Variants in GAD2 observed in about 807,000 individuals in gnomAD.
The protein encoded by GAD2 is glutamate decarboxylase 2.
In GAD2, 22 loss-of-function variants were observed where a neutral mutation model predicts 80.1. The observed-to-expected ratio is 0.27, with a 90% confidence interval of 0.20 to 0.39. The LOEUF (loss-of-function observed/expected upper bound fraction) is 0.39. Among genes scored for constraint, GAD2 ranks in the 10% least tolerant of loss-of-function variants. The probability of loss-of-function intolerance (pLI) is 1.00; values close to 1 mark genes in which losing one functional copy is unlikely to be tolerated. For synonymous variants in GAD2, 274 were observed against 256.9 expected, an observed-to-expected ratio of 1.07 and a Z score of -0.64; for missense variants, 624 against 738.4, an observed-to-expected ratio of 0.85 and a Z score of 1.80.
At chr10:26,271,974 G>T (rs1345742904) in intron 10 of GAD2, among the ~76,000 whole-genome samples, 1 of 152,150 alleles carries the variant, frequency 6.6e-6, no homozygotes, top group Non-Finnish European at 1.5e-5. Context: ...TGGCCAGGCT[G>T]CTCTCGAACT....
Position 26,219,294 on chromosome 10 carries a change from AT to A in GAD2, c.520+19del. 1 of 1,396,568 alleles carries A rather than the reference AT, an allele frequency of 7.2e-7. No individual in the cohort carries two copies. The highest frequency in any genetic ancestry group is 9.9e-7 in the Non-Finnish European group (1 of 1,012,616). The allele number at this position is 1,396,568 out of a possible 1,614,324, so 86.5% of individuals were successfully genotyped here. A position where few individuals can be genotyped will look rare whatever the true frequency, so the allele number is the denominator to read the frequency against. Reference sequence around the variant, plus strand: ...TAAAACAGGTATTGTCTCATCGAAAATAATAAAGCTCTTTTTTCGTTTACAA... The same window carrying A: ...TAAAACAGGTATTGTCTCATCGAAAAAATAAAGCTCTTTTTTCGTTTACAA... On this transcript the variant is annotated intron_variant, in intron 4 of 15. Coordinates refer to ENST00000376261, the MANE Select transcript of GAD2 (RefSeq NM_001134366.2).
chr10:26,259,538 T>A lies in GAD2; in HGVS notation c.921-9581T>A, dbSNP rs1844984844. On this transcript the variant is annotated intron_variant, in intron 8 of 15. Transcript: ENST00000376261. ...ATACTGTTTTTGGAGAAATGCTTAC[T>A]CAGGTCTTTTGGATTGGTTTTGTTA... Among the ~76,000 whole-genome samples, 3 of 152,150 alleles carry A rather than the reference T, an allele frequency of 2.0e-5. No homozygotes were observed. The South Asian group carries it at 6.2e-4, about 32-fold the overall frequency.
chr10:26,217,631 C>T lies in GAD2; in HGVS notation c.98C>T (p.Ala33Val). The stretch of plus-strand genomic sequence containing the variant: ...GCAGCGCGAGCCTGGTGCCAAGTGG[C>T]TCAGAAGTTCACGGGCGGCATCGGA... ...PGTARAWCQV[A>V]QKFTGGIGNK... Residue 33 changes from alanine to valine, a missense_variant, in exon 2 of 16, where the codon GCT (alanine) becomes GTT (valine). Coordinates refer to ENST00000376261, the MANE Select transcript of GAD2 (RefSeq NM_001134366.2). This position sits in a 1 kb window ranked among gnomAD's most constrained non-coding sequence, Gnocchi z 4.9. The T allele has an allele frequency of 6.2e-7, 1 of 1,613,586 alleles. No individual in the cohort carries two copies. Among genetic ancestry groups the T allele is most frequent in the Non-Finnish European group, 8.5e-7 (1 of 1,179,798 alleles).
Position 26,249,730 on chromosome 10 carries a change from G to A in GAD2, c.920+3730G>A, listed in dbSNP as rs568938367. On this transcript the variant is annotated intron_variant, in intron 8 of 15. Transcript: ENST00000376261. ...GATGAGTCCACCAGGCCAGCTAGGC[G>A]GCTCATCATGGGAACAAGGGGCCTG... 4.6e-5 allele frequency among the ~76,000 whole-genome samples: 7 copies of A among 152,308 alleles called. No homozygotes were observed. In the South Asian group the frequency reaches 1.0e-3, roughly 23 times the overall value.
intron 7 of GAD2, among the ~76,000 whole-genome samples, chr10:26,240,673 A>G (rs1040729799): frequency 2.6e-5 from 4 of 151,554 alleles, no homozygotes; most frequent in Non-Finnish European, 4.4e-5. Context: ...CGGAGGTTGC[A>G]GTGAGCTAAG....
chr10:26,298,158 C>T (rs1263610059), intron 15 of GAD2, among the ~76,000 whole-genome samples: 3 of 152,118 alleles, frequency 2.0e-5, no homozygotes, highest in Admixed American at 1.3e-4. Context: ...GAGGGGGTCT[C>T]ATAGCGCCTA....
chr10:26,243,042 AC>A (rs8190665), intron 7 of GAD2, among the ~76,000 whole-genome samples: 38 of 133,862 alleles, frequency 2.8e-4, no homozygotes, highest in East Asian at 8.5e-4. Context: ...TGCACAAAAA[AC>A]CCCCCCCCTT....
At chr10:26,244,145 C>T (rs949669003) in intron 7 of GAD2, among the ~76,000 whole-genome samples, 1 of 152,206 alleles carries the variant, frequency 6.6e-6, no homozygotes, top group African/African-American at 2.4e-5. Context: ...TTCAACCTCA[C>T]GGATCGTTAG....
chr10:26,289,378 G>A (rs1050910105), intron 13 of GAD2, among the ~76,000 whole-genome samples: 4 of 152,068 alleles, frequency 2.6e-5, no homozygotes, highest in African/African-American at 9.7e-5. Context: ...GGAGAATTCG[G>A]TGTTTTCCAC....
chr10:26,284,355 A>G (rs1431194963), intron 12 of GAD2, among the ~76,000 whole-genome samples: 2 of 152,192 alleles, frequency 1.3e-5, no homozygotes, highest in Non-Finnish European at 2.9e-5. Context: ...GATGATATCG[A>G]GTTTCCTAAA....
rs752199829 is a variant in GAD2, at chr10:26,292,996, G to A, written c.1584+5G>A. ...AGAATGAGTCGCCTCTCGAAGGTCA[G>A]TGCTCCAAGCTCCTCTGATACATGT... On this transcript the variant is annotated splice_donor_5th_base_variant and intron_variant, in intron 15 of 15. Coordinates refer to ENST00000376261, the MANE Select transcript of GAD2 (RefSeq NM_001134366.2). 6.2e-7 allele frequency: 1 copy of A among 1,608,044 alleles called. No homozygotes were observed. The highest frequency in any genetic ancestry group is 1.7e-5 in the Admixed American group (1 of 59,988).
intron 7 of GAD2, among the ~76,000 whole-genome samples, chr10:26,242,130 C>T (rs1844750844): frequency 6.6e-6 from 1 of 152,094 alleles, no homozygotes; most frequent in Non-Finnish European, 1.5e-5. Flanking sequence ...GGACTACAGG[C>T]ACCCGCCACC....
At chr10:26,223,830 G>T (rs1270527492) in intron 4 of GAD2, 57 bp from the exon 5 acceptor site, 2 of 1,118,622 alleles carry the variant, frequency 1.8e-6, no homozygotes, top group African/African-American at 1.6e-5. Flanking sequence ...TCATGTGTTT[G>T]AGAGGCATTT....
At chr10:26,254,492 G>A (rs1235130945) in intron 8 of GAD2, among the ~76,000 whole-genome samples, 1 of 152,162 alleles carries the variant, frequency 6.6e-6, no homozygotes, top group East Asian at 1.9e-4. Flanking sequence ...ATTAGTACTG[G>A]TCCGTGGCCC....
intron 10 of GAD2, among the ~76,000 whole-genome samples, chr10:26,272,754 C>T (rs1845150731): frequency 1.3e-5 from 2 of 151,990 alleles, no homozygotes; most frequent in African/African-American, 2.4e-5. Context: ...ATCCCAGCTA[C>T]TTGGGAGGCT....
chr10:26,295,508 G>GCACACACACACACACACACACACA lies in GAD2; in HGVS notation c.1584+2534_1584+2557dup, dbSNP rs61216190. On this transcript the variant is annotated intron_variant, in intron 15 of 15. Transcript: ENST00000376261. Reference sequence around the variant, plus strand: ...GAACCAGTAAAATATTCATACGCATGCACACACACACACACACACACACAC... The same window carrying GCACACACACACACACACACACACA: ...GAACCAGTAAAATATTCATACGCATGCACACACACACACACACACACACACACACACACACACACACACACACAC... 8.2e-4 allele frequency among the ~76,000 whole-genome samples: 110 copies of GCACACACACACACACACACACACA among 133,886 alleles called. 3 individuals carry two copies. The highest frequency in any genetic ancestry group is 2.6e-3 in the African/African-American group (85 of 33,160). The allele number at this position is 133,886 out of a possible 152,430, so 87.8% of individuals were successfully genotyped here.
At chr10:26,277,816 A>G (rs555833872) in intron 11 of GAD2, among the ~76,000 whole-genome samples, 2 of 152,256 alleles carry the variant, frequency 1.3e-5, no homozygotes, top group African/African-American at 4.8e-5. Flanking sequence ...GAAAGAATCA[A>G]TCTAGAAGGT....
chr10:26,280,701 C>G (rs1845261376), intron 11 of GAD2, among the ~76,000 whole-genome samples: 1 of 151,896 alleles, frequency 6.6e-6, no homozygotes, highest in African/African-American at 2.4e-5. Flanking sequence ...TTTGTGTTTA[C>G]TAAATACAGT....
At chr10:26,287,719 C>T (rs1270644320) in intron 13 of GAD2, among the ~76,000 whole-genome samples, 7 of 152,074 alleles carry the variant, frequency 4.6e-5, no homozygotes, top group African/African-American at 1.7e-4. Flanking sequence ...GCATGAGAAC[C>T]CTCTCTTCAT....
Sources: allele counts gnomAD v4.1 joint callset (sites outside exome capture counted in the v4.1 genomes callset), GRCh38; gene constraint gnomAD v4.1.1; non-coding constraint Gnocchi (gnomAD v3.1); transcripts MANE v1.5; gene names NCBI Gene and HGNC (gene_info 2026-07-23, HGNC 2026-07-21).